The following LRRC42 variants were observed in gnomAD, a reference collection of about 807,000 sequenced individuals.
The protein encoded by LRRC42 is leucine rich repeat containing 42.
LRRC42 carries 43 observed loss-of-function variants against 44.3 expected under a neutral mutation model. The ratio of observed to expected loss-of-function variants is 0.97; its 90% CI spans 0.76 to 1.25. The LOEUF (loss-of-function observed/expected upper bound fraction) is 1.25, where lower values mean the gene tolerates loss of function less well. LRRC42 is among the 50% of genes most tolerant of loss of function. The probability of loss-of-function intolerance (pLI) is 0.00; values close to 1 mark genes in which losing one functional copy is unlikely to be tolerated. For synonymous variants in LRRC42, 207 were observed against 195.2 expected, an observed-to-expected ratio of 1.06 and a Z score of -0.50; for missense variants, 540 against 509.1, an observed-to-expected ratio of 1.06 and a Z score of -0.58.
intron 3 of LRRC42, among the ~76,000 whole-genome samples, chr1:53,954,390 A>G (rs1015415688): frequency 1.3e-5 from 2 of 152,222 alleles, no homozygotes; most frequent in African/African-American, 2.4e-5. Flanking sequence ...AAGTCAAGCA[A>G]TATTTCATTG....
chr1:53,967,567 G>GT lies in LRRC42; in HGVS notation c.1013-95dup, dbSNP rs1478564544. 6.0e-6 allele frequency: 7 copies of GT among 1,175,116 alleles called. No individual in the cohort carries two copies. The African/African-American group carries it at 6.1e-5, about 10-fold the overall frequency. The allele number at this position is 1,175,116 out of a possible 1,614,324, so 72.8% of individuals were successfully genotyped here. On this transcript the variant is annotated intron_variant, in intron 8 of 8. Transcript: ENST00000371370. ...ATGCAATCAATGCAGATATCACCCT[G>GT]TTTGGGCCTTTGTCATATCCCTGGG... is the stretch of plus-strand genomic sequence containing the variant.
At chr1:53,950,147 G>A (rs918722939) in intron 2 of LRRC42, among the ~76,000 whole-genome samples, 8 of 152,190 alleles carry the variant, frequency 5.3e-5, no homozygotes, top group African/African-American at 1.9e-4. Context: ...AGACAGGCAC[G>A]TACTGGTGCA....
intron 3 of LRRC42, 70 bp downstream of exon 3, chr1:53,952,542 T>A (rs1654723597): frequency 1.5e-6 from 2 of 1,325,928 alleles, no homozygotes; most frequent in East Asian, 4.7e-5. Context: ...TGGGGCTTAG[T>A]GGGCTCAGGG....
Position 53,951,482 on chromosome 1 carries a change from T to C in LRRC42, c.-14-504T>C, listed in dbSNP as rs556196245. Among the ~76,000 whole-genome samples, 6 of 152,258 alleles carry C rather than the reference T, an allele frequency of 3.9e-5. No individual in the cohort carries two copies. The East Asian group carries it at 1.2e-3, about 29-fold the overall frequency. ...TCTTGTCACCCAGGCTGGAGTGCAA[T>C]GAAACAATCTTGGCTCACTGTAACC... On this transcript the variant is annotated intron_variant, in intron 2 of 8. Coordinates refer to ENST00000371370, the MANE Select transcript of LRRC42 (RefSeq NM_001256409.2).
chr1:53,948,301 C>T (rs1654583459), intron 2 of LRRC42, among the ~76,000 whole-genome samples: 1 of 152,186 alleles, frequency 6.6e-6, no homozygotes, highest in Non-Finnish European at 1.5e-5. Flanking sequence ...GTCCACCTGA[C>T]TGGCATAGTC....
chr1:53,952,242 T>C lies in LRRC42; in HGVS notation c.243T>C (p.Asn81=). 1.9e-6 allele frequency: 3 copies of C among 1,614,228 alleles called. No individual in the cohort carries two copies. The highest frequency in any genetic ancestry group is 2.5e-6 in the Non-Finnish European group (3 of 1,180,040). Residue 81 remains asparagine, a synonymous_variant, in exon 3 of 9, where the codon AAT becomes AAC. Transcript: ENST00000371370. ...HFIFTYTREG[N]LRYSAKSLFS... is the part of the protein sequence containing the mutation. ...TCTTCACATACACCCGAGAGGGGAA[T>C]CTTCGGTACTCCGCCAAATCCCTCT...
chr1:53,953,409 G>T (rs1331987504), intron 3 of LRRC42, among the ~76,000 whole-genome samples: 1 of 152,112 alleles, frequency 6.6e-6, no homozygotes, highest in Non-Finnish European at 1.5e-5. Context: ...CCAGGCTGGA[G>T]TGGCAGTGGC....
intron 7 of LRRC42, among the ~76,000 whole-genome samples, chr1:53,965,572 C>T (rs1203725964): frequency 2.6e-5 from 4 of 151,428 alleles, no homozygotes; most frequent in South Asian, 2.1e-4. Context: ...CTCTGCCTCC[C>T]GGGTTCACGC....
intron 3 of LRRC42, among the ~76,000 whole-genome samples, chr1:53,957,506 T>C (rs1569835204): frequency 6.6e-6 from 1 of 152,204 alleles, no homozygotes; most frequent in Admixed American, 6.5e-5. Flanking sequence ...CTTGGCAAGG[T>C]GCTGCAATGT....
At chr1:53,951,055 C>A (rs376859941) in intron 2 of LRRC42, among the ~76,000 whole-genome samples, 9 of 152,314 alleles carry the variant, frequency 5.9e-5, no homozygotes, top group African/African-American at 2.2e-4. Flanking sequence ...CAGCGTGGTT[C>A]CTTTTCTCAA....
In LRRC42 at chr1:53,955,526, G is replaced by C. The variant is rs924489975; in HGVS notation, c.474-2623G>C. 6.6e-5 allele frequency among the ~76,000 whole-genome samples: 10 copies of C among 151,984 alleles called. No homozygotes were observed. In the South Asian group the frequency reaches 2.1e-3, roughly 32 times the overall value. ...TTGACCAGGCTGGTTTCGAACTGCT[G>C]ACCTCAAGTGATCCACCCACCTCAG... On this transcript the variant is annotated intron_variant, in intron 3 of 8. Coordinates refer to ENST00000371370, the MANE Select transcript of LRRC42 (RefSeq NM_001256409.2).
At position 53,952,133 on chromosome 1, in the gene LRRC42, G is replaced by C. The variant is rs1374088532; in HGVS notation, c.134G>C (p.Arg45Thr). 1.9e-6 allele frequency: 3 copies of C among 1,614,186 alleles called. No homozygotes were observed. The highest frequency in any genetic ancestry group is 2.5e-6 in the Non-Finnish European group (3 of 1,180,034). ...RSSLQKPRPF[R>T]LFPKGFSVEL... ...AGCCTGCAGAAGCCAAGGCCTTTCA[G>C]ACTGTTCCCCAAAGGCTTTTCTGTG... The change falls in exon 3 of 9, where the codon AGA (arginine) becomes ACA (threonine). Residue 45 changes from arginine to threonine, a missense_variant. Physicochemically the swap from Arg to Thr is moderately conservative, Grantham distance 71 (BLOSUM62 -1). Transcript: ENST00000371370.
intron 7 of LRRC42, among the ~76,000 whole-genome samples, chr1:53,965,782 T>C (rs1316835581): frequency 6.6e-6 from 1 of 152,148 alleles, no homozygotes; most frequent in Non-Finnish European, 1.5e-5. Flanking sequence ...GCCACATATT[T>C]CTAAAAGAAT....
At chr1:53,966,793 A>G (rs1655137798) in intron 8 of LRRC42, among the ~76,000 whole-genome samples, 1 of 152,196 alleles carries the variant, frequency 6.6e-6, no homozygotes, top group Non-Finnish European at 1.5e-5. Context: ...CACAACATGG[A>G]TGAGCCTGCA....
chr1:53,961,007 G>A (rs922251662), intron 5 of LRRC42, among the ~76,000 whole-genome samples: 5 of 152,232 alleles, frequency 3.3e-5, no homozygotes, highest in African/African-American at 1.2e-4. Flanking sequence ...GTGGTTTGAG[G>A]TCTGAGGACC....
At position 53,952,443 on chromosome 1, in the gene LRRC42, G is replaced by A. The variant is rs1374220875; in HGVS notation, c.444G>A (p.Leu148=). ...AATTCACTGAGGCCTATGGAAGTTTGGTGCTTTGCTCCCTGTGTTTGCGAA... is the reference window on the plus strand; with the variant it reads ...AATTCACTGAGGCCTATGGAAGTTTAGTGCTTTGCTCCCTGTGTTTGCGAA... The part of the protein sequence containing the change: ...LQKFTEAYGS[L]VLCSLCLRNR... Residue 148 remains leucine (L), a synonymous_variant, in exon 3 of 9, where the codon TTG becomes TTA. Coordinates refer to ENST00000371370, the MANE Select transcript of LRRC42 (RefSeq NM_001256409.2). 4 of 1,602,414 alleles carry A rather than the reference G, an allele frequency of 2.5e-6. No individual in the cohort carries two copies. The highest frequency in any genetic ancestry group is 1.1e-5 in the South Asian group (1 of 90,716).
chr1:53,963,737 T>C (rs1035484335), intron 7 of LRRC42, among the ~76,000 whole-genome samples: 2 of 152,180 alleles, frequency 1.3e-5, no homozygotes, highest in Non-Finnish European at 2.9e-5. Flanking sequence ...GTCCTCATTC[T>C]CATCTCACAA....
intron 2 of LRRC42, among the ~76,000 whole-genome samples, chr1:53,949,110 A>G (rs192205069): frequency 0.011 from 1,638 of 152,292 alleles, 16 homozygotes; most frequent in Non-Finnish European, 0.016. Flanking sequence ...CAAAAAAACA[A>G]CCAGAACTGT....
chr1:53,946,634 T>TG (rs1438972742), intron 1 of LRRC42, 85 bp downstream of exon 1: 1 of 20,458 alleles, frequency 4.9e-5, no homozygotes, highest in Non-Finnish European at 1.2e-4. Context: ...AGGGGCGGGG[T>TG]GGGGGAGGGG....
Sources: gnomAD v4.1 joint callset for allele counts (sites outside exome capture counted in the v4.1 genomes callset) on GRCh38, gnomAD v4.1.1 for gene constraint, MANE v1.5 for transcripts, NCBI Gene and HGNC (gene_info 2026-07-23, HGNC 2026-07-21) for gene names.